Variants in NFIL3 observed in about 807,000 individuals in gnomAD.
The protein encoded by NFIL3 is nuclear factor, interleukin 3 regulated.
In NFIL3, 5 loss-of-function variants were observed where a neutral mutation model predicts 10.0. That is an observed-to-expected ratio of 0.50 (90% CI 0.26 to 1.06). The LOEUF (loss-of-function observed/expected upper bound fraction) is 1.06, where lower values mean the gene tolerates loss of function less well. NFIL3 is among the 50% of genes least tolerant of loss of function. The pLI, the probability that NFIL3 is intolerant of heterozygous loss-of-function variation, is 0.13. For missense variants in NFIL3, 436 were observed against 547.6 expected (o/e 0.80, Z 2.03); for synonymous variants, 202 against 206.5 (o/e 0.98, Z 0.19).
the NFIL3 span, among the ~76,000 whole-genome samples, chr9:91,461,412 A>T: frequency 6.6e-6 from 1 of 152,210 alleles, no homozygotes; most frequent in Non-Finnish European, 1.5e-5. Context: ...ATAACTAAAA[A>T]CCAAAAGGGA....
chr9:91,410,999 A>G lies in NFIL3; in HGVS notation c.-172-93T>C. 4 of 455,002 alleles carry G rather than the reference A, an allele frequency of 8.8e-6. No individual in the cohort carries two copies. The highest frequency in any genetic ancestry group is 1.6e-5 in the Non-Finnish European group (4 of 250,272). 28.2% of individuals were successfully genotyped at this position (455,002 alleles called of 1,614,324 possible). A position where few individuals can be genotyped will look rare whatever the true frequency, so the allele number is the denominator to read the frequency against. ...AGGAAATATGCTAAGCATTTAGGGC[A>G]TACAAGCACAGATGAGGCATGGCCA... On this transcript the variant is annotated intron_variant, in intron 1 of 1. Transcript: ENST00000297689. This position sits in a 1 kb window ranked among gnomAD's most constrained non-coding sequence, Gnocchi z 5.7.
At chr9:91,461,137 T>C in the NFIL3 span, among the ~76,000 whole-genome samples, 7 of 152,232 alleles carry the variant, frequency 4.6e-5, no homozygotes, top group Admixed American at 2.0e-4. Context: ...GGGACGATTA[T>C]GGTGAAGAAC....
the NFIL3 span, among the ~76,000 whole-genome samples, chr9:91,480,357 G>A: frequency 1.3e-4 from 20 of 151,974 alleles, no homozygotes; most frequent in Non-Finnish European, 2.4e-4. Context: ...CTTACAGAAC[G>A]AATCAAAGAG....
chr9:91,414,349 A>G (rs565832761), intron 1 of NFIL3, among the ~76,000 whole-genome samples: 1 of 152,266 alleles, frequency 6.6e-6, no homozygotes, highest in Admixed American at 6.5e-5. Context: ...GATTACAGGC[A>G]TGTGCCACTA....
the NFIL3 span, among the ~76,000 whole-genome samples, chr9:91,429,926 T>C: frequency 6.6e-6 from 1 of 152,204 alleles, no homozygotes; most frequent in Admixed American, 6.5e-5. Flanking sequence ...GTGGGCAACT[T>C]ACTTTTCTCG....
chr9:91,450,758 T>C, the NFIL3 span, among the ~76,000 whole-genome samples: 1,038 of 152,308 alleles, frequency 6.8e-3, 11 homozygotes, highest in African/African-American at 0.023. Flanking sequence ...TGTGCCCTTA[T>C]AGATCTTATG....
the NFIL3 span, among the ~76,000 whole-genome samples, chr9:91,461,855 G>A: frequency 6.6e-6 from 1 of 152,058 alleles, no homozygotes; most frequent in Non-Finnish European, 1.5e-5. Flanking sequence ...GGAACCTAGA[G>A]GAAAGGCATC....
the NFIL3 span, among the ~76,000 whole-genome samples, chr9:91,460,066 C>G: frequency 6.8e-6 from 1 of 146,182 alleles, no homozygotes; most frequent in Non-Finnish European, 1.5e-5. Flanking sequence ...CTGAGTTGAG[C>G]TCCCTTCTCC....
chr9:91,418,961 A>G (rs1053639355), intron 1 of NFIL3, among the ~76,000 whole-genome samples: 2 of 152,106 alleles, frequency 1.3e-5, no homozygotes, highest in African/African-American at 4.8e-5. Context: ...TTCATATTGT[A>G]ATGTCTGTGA....
the NFIL3 span, among the ~76,000 whole-genome samples, chr9:91,459,601 C>T: frequency 1.5e-4 from 23 of 152,258 alleles, no homozygotes; most frequent in African/African-American, 5.5e-4. Flanking sequence ...AGGAGGATTG[C>T]TTGAGCCCAG....
chr9:91,430,466 G>A, the NFIL3 span, among the ~76,000 whole-genome samples: 3 of 152,132 alleles, frequency 2.0e-5, no homozygotes, highest in Non-Finnish European at 2.9e-5. Context: ...AGGTTAATGG[G>A]AAGATGAGGA....
the NFIL3 span, among the ~76,000 whole-genome samples, chr9:91,465,980 T>A: frequency 2.0e-5 from 3 of 152,026 alleles, no homozygotes; most frequent in East Asian, 5.8e-4. Context: ...GGGTGTGGTG[T>A]GTGTGTGTGT....
chr9:91,482,251 A>G, the NFIL3 span, among the ~76,000 whole-genome samples: 634 of 151,906 alleles, frequency 4.2e-3, 3 homozygotes, highest in African/African-American at 0.014. Flanking sequence ...GTGAAAGGCA[A>G]TCTTCACAGA....
upstream of NFIL3, among the ~76,000 whole-genome samples, chr9:91,427,813 T>A (rs1427272214): frequency 6.6e-6 from 1 of 151,864 alleles, no homozygotes; most frequent in Non-Finnish European, 1.5e-5. Flanking sequence ...GCTAATTTTT[T>A]AATTTTTTTT....
the NFIL3 span, among the ~76,000 whole-genome samples, chr9:91,471,258 C>A: frequency 6.6e-6 from 1 of 151,856 alleles, no homozygotes; most frequent in African/African-American, 2.4e-5. Context: ...TGAATTGATC[C>A]CTTTACCATT....
At chr9:91,421,612 T>G (rs140027127) in intron 1 of NFIL3, among the ~76,000 whole-genome samples, 1 of 151,406 alleles carries the variant, frequency 6.6e-6, no homozygotes, top group Admixed American at 6.6e-5. Context: ...AGCGGCGCAC[T>G]GGGGGCCGCA....
upstream of NFIL3, among the ~76,000 whole-genome samples, chr9:91,428,740 A>G (rs761453995): frequency 6.6e-6 from 1 of 152,264 alleles, no homozygotes; most frequent in Non-Finnish European, 1.5e-5. Flanking sequence ...GAAAGAGGTG[A>G]TTTTGCAAAG....
the NFIL3 span, among the ~76,000 whole-genome samples, chr9:91,464,406 AGTGCAG>A: frequency 6.6e-6 from 1 of 152,076 alleles, no homozygotes; most frequent in African/African-American, 2.4e-5. Context: ...CTTCATGGGT[AGTGCAG>A]GTGCCTTATA....
At chr9:91,434,335 G>C in the NFIL3 span, among the ~76,000 whole-genome samples, 7 of 152,188 alleles carry the variant, frequency 4.6e-5, no homozygotes, top group South Asian at 1.5e-3. Flanking sequence ...GCCTCCCCAA[G>C]TAGATATCAG....
Sources: allele counts gnomAD v4.1 joint callset (sites outside exome capture counted in the v4.1 genomes callset), GRCh38; gene constraint gnomAD v4.1.1; non-coding constraint Gnocchi (gnomAD v3.1); transcripts MANE v1.5; gene names NCBI Gene and HGNC (gene_info 2026-07-23, HGNC 2026-07-21).